Variants in STAG1 observed in about 807,000 individuals in gnomAD.
STAG1 encodes the protein cohesin subunit SA-1.
STAG1 carries 26 observed loss-of-function variants against 170.9 expected under a neutral mutation model. The ratio of observed to expected loss-of-function variants is 0.15; its 90% CI spans 0.11 to 0.21. The LOEUF is 0.21. STAG1 is among the 10% of genes least tolerant of loss of function. The probability of loss-of-function intolerance (pLI) is 1.00; values close to 1 mark genes in which losing one functional copy is unlikely to be tolerated. For synonymous variants in STAG1, 514 were observed against 497.7 expected (o/e 1.03, Z -0.44); for missense variants, 964 against 1,509.5 (o/e 0.64, Z 5.99).
chr3:136,665,572 G>T (rs908284500), intron 1 of STAG1, among the ~76,000 whole-genome samples: 2 of 151,954 alleles, frequency 1.3e-5, no homozygotes, highest in African/African-American at 4.8e-5. Context: ...GAGGTCAGGA[G>T]ATCGAGACCA....
chr3:136,433,241 T>A (rs1305849734), intron 16 of STAG1, among the ~76,000 whole-genome samples: 1 of 151,982 alleles, frequency 6.6e-6, no homozygotes, highest in Non-Finnish European at 1.5e-5. Flanking sequence ...ATAGAAGAAC[T>A]TGCAAACTAG....
intron 16 of STAG1, among the ~76,000 whole-genome samples, chr3:136,427,017 G>A (rs947085574): frequency 6.7e-5 from 10 of 149,266 alleles, no homozygotes; most frequent in South Asian, 2.1e-4. Flanking sequence ...CCGAGATCGC[G>A]CCACCGCACT....
At chr3:136,411,996 T>C (rs376062934) in intron 21 of STAG1, among the ~76,000 whole-genome samples, 18 of 151,464 alleles carry the variant, frequency 1.2e-4, no homozygotes, top group East Asian at 9.8e-4. Context: ...CATATTGGCC[T>C]GGGTGACAGA....
intron 22 of STAG1, among the ~76,000 whole-genome samples, chr3:136,386,165 G>A (rs1007660902): frequency 6.6e-6 from 1 of 151,998 alleles, no homozygotes; most frequent in Non-Finnish European, 1.5e-5. Flanking sequence ...GTGAAACACC[G>A]TCTCTACTAA....
chr3:136,669,937 A>T (rs1576742669), intron 1 of STAG1, among the ~76,000 whole-genome samples: 1 of 152,366 alleles, frequency 6.6e-6, no homozygotes, highest in East Asian at 1.9e-4. Flanking sequence ...TCAACTAATT[A>T]TGTGCTACTA....
At chr3:136,401,661 G>A (rs1365156329) in intron 21 of STAG1, among the ~76,000 whole-genome samples, 2 of 151,910 alleles carry the variant, frequency 1.3e-5, no homozygotes, top group Non-Finnish European at 2.9e-5. Context: ...ACTGTCTCCC[G>A]GGCCTTGGAT....
At chr3:136,391,957 T>A (rs984530163) in intron 22 of STAG1, among the ~76,000 whole-genome samples, 9 of 152,250 alleles carry the variant, frequency 5.9e-5, no homozygotes, top group Non-Finnish European at 1.2e-4. Flanking sequence ...TGATATAGTC[T>A]TCTCATAAAC....
intron 32 of STAG1, among the ~76,000 whole-genome samples, chr3:136,338,684 GAATA>G (rs770812803): frequency 2.3e-4 from 35 of 152,184 alleles, no homozygotes; most frequent in Non-Finnish European, 4.3e-4. Flanking sequence ...AAACTATCAT[GAATA>G]AACAACATGT....
intron 4 of STAG1, among the ~76,000 whole-genome samples, chr3:136,585,680 T>C (rs2107784980): frequency 6.6e-6 from 1 of 152,246 alleles, no homozygotes; most frequent in South Asian, 2.1e-4. Context: ...TCTGTGTTCA[T>C]GTCCTCCAAG....
intron 1 of STAG1, among the ~76,000 whole-genome samples, chr3:136,727,869 C>T (rs1933775391): frequency 6.6e-6 from 1 of 151,600 alleles, no homozygotes; most frequent in African/African-American, 2.4e-5. Flanking sequence ...TTAAAAATAC[C>T]CACCATGGCC....
chr3:136,673,309 A>C (rs1942033426), intron 1 of STAG1, among the ~76,000 whole-genome samples: 1 of 152,222 alleles, frequency 6.6e-6, no homozygotes, highest in Non-Finnish European at 1.5e-5. Context: ...GTTTGCTGAC[A>C]ATTCTTAGTT....
chr3:136,459,232 A>G (rs1049286329), intron 13 of STAG1, among the ~76,000 whole-genome samples: 7 of 151,954 alleles, frequency 4.6e-5, no homozygotes, highest in South Asian at 2.1e-4. Context: ...AAAAAAAAAA[A>G]AAAAGAAAAG....
intron 1 of STAG1, among the ~76,000 whole-genome samples, chr3:136,711,851 C>A (rs1943390137): frequency 6.6e-6 from 1 of 151,812 alleles, no homozygotes; most frequent in Non-Finnish European, 1.5e-5. Context: ...AAAATCTATT[C>A]CAGGTGAATT....
At chr3:136,465,033 T>C (rs748042747) in intron 12 of STAG1, 45 bp from the exon 13 acceptor site, 2 of 1,411,766 alleles carry the variant, frequency 1.4e-6, no homozygotes, top group Non-Finnish European at 1.9e-6. Flanking sequence ...CAAATGTTTA[T>C]TTTCCTTTCT....
At chr3:136,725,254 A>C (rs1486215234) in intron 1 of STAG1, among the ~76,000 whole-genome samples, 1 of 151,324 alleles carries the variant, frequency 6.6e-6, no homozygotes, top group East Asian at 1.9e-4. Flanking sequence ...TTCAGTAGGC[A>C]AGAACTAGAA....
intron 1 of STAG1, among the ~76,000 whole-genome samples, chr3:136,742,657 G>T (rs1934728419): frequency 1.3e-5 from 2 of 151,628 alleles, no homozygotes; most frequent in African/African-American, 4.9e-5. Flanking sequence ...GGAGGTTTCA[G>T]TGAGCAGAGA....
At chr3:136,488,444 C>T (rs2090059587) in intron 9 of STAG1, among the ~76,000 whole-genome samples, 1 of 152,148 alleles carries the variant, frequency 6.6e-6, no homozygotes, top group African/African-American at 2.4e-5. Context: ...TTTGACACCA[C>T]CAAGTTTGGG....
chr3:136,468,341 C>A (rs934225731), intron 12 of STAG1, among the ~76,000 whole-genome samples: 7 of 152,266 alleles, frequency 4.6e-5, no homozygotes, highest in African/African-American at 1.4e-4. Flanking sequence ...ACCGATCCCA[C>A]AGAAATACAA....
intron 22 of STAG1, among the ~76,000 whole-genome samples, chr3:136,396,858 A>G (rs141939957): frequency 1.8e-3 from 279 of 152,308 alleles, no homozygotes; most frequent in East Asian, 4.8e-3. Flanking sequence ...TTCATTACTA[A>G]TAAAAGGTTA....
Sources: gnomAD v4.1 joint callset for allele counts (sites outside exome capture counted in the v4.1 genomes callset) on GRCh38, gnomAD v4.1.1 for gene constraint, MANE v1.5 for transcripts, NCBI Gene and HGNC (gene_info 2026-07-23, HGNC 2026-07-21) for gene names.